WDR91: variants seen among roughly 807,000 people sequenced by gnomAD.
The protein encoded by WDR91 is WD repeat domain 91.
A neutral mutation model predicts 88.4 loss-of-function variants in WDR91; 52 were observed. That is an observed-to-expected ratio of 0.59 (90% confidence interval 0.47 to 0.74). WDR91 has a LOEUF of 0.74. Among genes scored for constraint, WDR91 ranks in the 30% least tolerant of loss-of-function variants. The pLI is 0.00. For missense variants in WDR91, 824 were observed against 954.5 expected (o/e 0.86, Z 1.80); for synonymous variants, 362 against 389.5 (o/e 0.93, Z 0.83).
chr7:135,204,624 C>T (rs144830162), intron 5 of WDR91, among the ~76,000 whole-genome samples, 191 bp from the exon 6 acceptor site: 1 of 152,224 alleles, frequency 6.6e-6, no homozygotes, highest in Non-Finnish European at 1.5e-5. Context: ...TTATCTGTTA[C>T]AAGGGTGAAG....
Position 135,209,676 on chromosome 7 carries a change from A to C in WDR91, c.203T>G (p.Leu68Trp). 1 of 1,613,710 alleles carries C rather than the reference A, an allele frequency of 6.2e-7. No individual in the cohort carries two copies. The highest frequency in any genetic ancestry group is 1.1e-5 in the South Asian group (1 of 90,990). Residue 68 changes from leucine (L) to tryptophan (W), a missense_variant, in exon 2 of 15, where the codon TTG becomes TGG. By Grantham distance (61) the Leu-to-Trp change is moderately conservative (BLOSUM62 -2). Transcript: ENST00000354475. The part of the protein sequence containing the change: ...LAALRDYWSY[L>W]ERRLFSRLED... ...CAAGCGGCTGAAGAGCCGACGCTCC[A>C]AGTAGCTCCAATAATCCCGAAGGGC...
chr7:135,193,559 G>T lies in WDR91; in HGVS notation c.1490+19C>A, dbSNP rs1487117803. 6.2e-6 allele frequency: 10 copies of T among 1,613,766 alleles called. No homozygotes were observed. The African/African-American group carries it at 1.1e-4, about 17-fold the overall frequency. On this transcript the variant is annotated intron_variant, in intron 10 of 14. Transcript: ENST00000354475. ...TGGCAGCCTGCGGCCTTGATGGTGG[G>T]GGGTAGGTTCCAGTTCACCTGGGCA...
At chr7:135,197,939 T>C (rs1475672900) in intron 7 of WDR91, 54 bp downstream of exon 7, 79 of 1,581,452 alleles carry the variant, frequency 5.0e-5, no homozygotes, top group Non-Finnish European at 6.6e-5. Context: ...CCCCCCACAG[T>C]GTTCCTCAGT....
In WDR91 at chr7:135,187,068, G is replaced by A. The variant is rs1585399696; in HGVS notation, c.1983C>T (p.Tyr661=). The A allele has an allele frequency of 6.2e-7, 1 of 1,614,270 alleles. No homozygotes were observed. The highest frequency in any genetic ancestry group is 2.2e-5 in the East Asian group (1 of 44,888). Residue 661 remains tyrosine (Y), a synonymous_variant, in exon 14 of 15, where the codon TAC becomes TAT. Coordinates refer to ENST00000354475, the MANE Select transcript of WDR91 (RefSeq NM_014149.4). ...GPFVLSGYSG[Y]KQVQVPRGRL... is the part of the protein sequence containing the mutation. ...GGCCCCTGGGGACTTGAACCTGCTT[G>A]TAGCCGCTGTATCCAGACAGCACAA...
At chr7:135,191,808 AT>A (rs1831176199) in intron 11 of WDR91, among the ~76,000 whole-genome samples, 1 of 152,190 alleles carries the variant, frequency 6.6e-6, no homozygotes, top group Non-Finnish European at 1.5e-5. Context: ...TGATTTCAAT[AT>A]GCTTTTGTAT....
Position 135,186,060 on chromosome 7 carries a change from G to C in WDR91, c.*91C>G. 7.2e-7 allele frequency: 1 copy of C among 1,396,720 alleles called. No homozygotes were observed. Among genetic ancestry groups the C allele is most frequent in the Non-Finnish European group, 9.5e-7 (1 of 1,048,714 alleles). 86.5% of individuals were successfully genotyped at this position (1,396,720 alleles called of 1,614,324 possible). On this transcript the variant is annotated 3_prime_UTR_variant, in exon 15 of 15. Coordinates refer to ENST00000354475, the MANE Select transcript of WDR91 (RefSeq NM_014149.4). ...TGCAGAGTCACTGCACTGGCAGGGAGCTGGAGTGGAGCACGTGGTTTTCCT... is the reference window on the plus strand; with the variant it reads ...TGCAGAGTCACTGCACTGGCAGGGACCTGGAGTGGAGCACGTGGTTTTCCT...
At chr7:135,210,750 G>A in intron 1 of WDR91, 1 of 703,308 alleles carries the variant, frequency 1.4e-6, no homozygotes, top group Non-Finnish European at 2.6e-6. Flanking sequence ...CTCCCCTCCA[G>A]TGCTCTTGCT....
intron 8 of WDR91, among the ~76,000 whole-genome samples, chr7:135,195,938 C>T (rs555653324): frequency 6.6e-6 from 1 of 151,572 alleles, no homozygotes; most frequent in South Asian, 2.1e-4. Flanking sequence ...CAGAGCAAGA[C>T]TCTGTCTCAA....
At chr7:135,189,527 A>G in intron 11 of WDR91, 75 bp from the exon 12 acceptor site, 1 of 1,243,438 alleles carries the variant, frequency 8.0e-7, no homozygotes, top group Non-Finnish European at 1.2e-6. Flanking sequence ...CAATGCAGAC[A>G]GGTGCCCCAG....
chr7:135,197,642 A>G (rs969559265), intron 7 of WDR91: 6 of 177,378 alleles, frequency 3.4e-5, no homozygotes, highest in African/African-American at 1.4e-4. Context: ...CGAGGGAACC[A>G]GGTCTCCAGG....
At chr7:135,204,728 T>C (rs148576355) in intron 5 of WDR91, among the ~76,000 whole-genome samples, 1 of 152,188 alleles carries the variant, frequency 6.6e-6, no homozygotes, top group South Asian at 2.1e-4. Flanking sequence ...GAAATGTGGT[T>C]AGTCCAAATC....
Position 135,211,506 on chromosome 7 carries a change from A to G in WDR91, c.-4T>C, listed in dbSNP as rs1172095258. The G allele has an allele frequency of 6.2e-7, 1 of 1,611,010 alleles. No homozygotes were observed. The highest frequency in any genetic ancestry group is 8.5e-7 in the Non-Finnish European group (1 of 1,178,880). On this transcript the variant is annotated 5_prime_UTR_variant, in exon 1 of 15. Coordinates refer to ENST00000354475, the MANE Select transcript of WDR91 (RefSeq NM_014149.4). ...TGCGCTCCACGGCCTCCGCCATCGCAGCGCTAGCGTCTTTAGGGGTGGTGC... is the reference window on the plus strand; with the variant it reads ...TGCGCTCCACGGCCTCCGCCATCGCGGCGCTAGCGTCTTTAGGGGTGGTGC...
chr7:135,194,287 G>A (rs143203211), intron 9 of WDR91, among the ~76,000 whole-genome samples: 33 of 152,308 alleles, frequency 2.2e-4, no homozygotes, highest in Middle Eastern at 3.4e-3. Flanking sequence ...GTGTGACCTC[G>A]GCATTCACTT....
At chr7:135,188,286 G>A (rs74995987) in intron 13 of WDR91, 147 bp downstream of exon 13, 11,925 of 617,348 alleles carry the variant, frequency 0.019, 167 homozygotes, top group Non-Finnish European at 0.026. Context: ...ATTGTAAGAC[G>A]AATTACTAGT....
chr7:135,184,098 C>CT lies in WDR91; in HGVS notation c.*2052dup, dbSNP rs1039864912. Reference sequence around the variant, plus strand: ...TCACTGGGTGAGATAAGTAAGATCACTGTTTCAATACAGATGGGGAAAGAT... The same window carrying CT: ...TCACTGGGTGAGATAAGTAAGATCACTTGTTTCAATACAGATGGGGAAAGAT... On this transcript the variant is annotated 3_prime_UTR_variant, in exon 15 of 15. Transcript: ENST00000354475. The CT allele has an allele frequency of 2.6e-5, 4 of 152,168 alleles. No individual in the cohort carries two copies. Among genetic ancestry groups the CT allele is most frequent in the African/African-American group, 9.7e-5 (4 of 41,444 alleles). The allele number at this position is 152,168 out of a possible 1,614,324, so 9.4% of individuals were successfully genotyped here.
intron 9 of WDR91, among the ~76,000 whole-genome samples, chr7:135,194,552 A>G (rs993874980): frequency 6.6e-5 from 10 of 152,214 alleles, no homozygotes; most frequent in Non-Finnish European, 1.5e-4. Flanking sequence ...ACCACAAAAT[A>G]GAACACCAGC....
At chr7:135,203,777 T>C (rs542220078) in intron 6 of WDR91, among the ~76,000 whole-genome samples, 1 of 152,348 alleles carries the variant, frequency 6.6e-6, no homozygotes, top group African/African-American at 2.4e-5. Flanking sequence ...CTTCAAAGCC[T>C]ACTTCCTGTC....
chr7:135,208,719 C>T, intron 3 of WDR91, 72 bp downstream of exon 3: 4 of 1,384,342 alleles, frequency 2.9e-6, no homozygotes, highest in Middle Eastern at 4.6e-4. Context: ...TGTATGGAGA[C>T]CAGCGGGCTA....
At chr7:135,211,273 G>A (rs2117740281) in intron 1 of WDR91, 107 bp downstream of exon 1, 1 of 1,450,302 alleles carries the variant, frequency 6.9e-7, no homozygotes, top group South Asian at 1.4e-5. Context: ...CGGCGCCCCG[G>A]CGCGAGTGAC....
Sources: allele counts gnomAD v4.1 joint callset (sites outside exome capture counted in the v4.1 genomes callset), GRCh38; gene constraint gnomAD v4.1.1; transcripts MANE v1.5; gene names NCBI Gene and HGNC (gene_info 2026-07-23, HGNC 2026-07-21).